The following NUP98 variants were observed in gnomAD, a reference collection of about 807,000 sequenced individuals.
NUP98 encodes the protein nucleoporin 98 and 96 precursor, also known as nuclear pore complex protein Nup98-Nup96.
NUP98 carries 26 observed loss-of-function variants against 191.9 expected under a neutral mutation model. That is an observed-to-expected ratio of 0.14 (90% confidence interval 0.10 to 0.19). NUP98 has a LOEUF of 0.19. NUP98 is among the 10% of genes least tolerant of loss of function. The probability of loss-of-function intolerance (pLI) is 1.00; values close to 1 mark genes in which losing one functional copy is unlikely to be tolerated. For synonymous variants in NUP98, 808 were observed against 778.4 expected, an observed-to-expected ratio of 1.04 and a Z score of -0.63; for missense variants, 1,941 against 2,178.8, an observed-to-expected ratio of 0.89 and a Z score of 2.17.
rs1286335101 is a variant in NUP98 at position 3,676,023 on chromosome 11, C to T, written c.*136G>A. ...AAAAGCCCTGAACAAGTGGAGGATGCTGCTTCTGGCAGCAGGGAGGGAGGG... is the reference window on the plus strand; with the variant it reads ...AAAAGCCCTGAACAAGTGGAGGATGTTGCTTCTGGCAGCAGGGAGGGAGGG... On this transcript the variant is annotated 3_prime_UTR_variant, in exon 33 of 33. Coordinates refer to ENST00000324932, the MANE Select transcript of NUP98 (RefSeq NM_016320.5). 9.3e-6 allele frequency: 7 copies of T among 750,230 alleles called. No homozygotes were observed. The highest frequency in any genetic ancestry group is 1.5e-5 in the Non-Finnish European group (7 of 453,636). The allele number at this position is 750,230 out of a possible 1,614,324, so 46.5% of individuals were successfully genotyped here.
chr11:3,679,008 A>G (rs1428425188), intron 31 of NUP98, among the ~76,000 whole-genome samples: 3 of 151,642 alleles, frequency 2.0e-5, no homozygotes, highest in Non-Finnish European at 2.9e-5. Flanking sequence ...CTATACTCCC[A>G]GCTACTTGGG....
chr11:3,725,435 T>G (rs1247164775), intron 14 of NUP98, among the ~76,000 whole-genome samples: 3 of 152,228 alleles, frequency 2.0e-5, no homozygotes, highest in Admixed American at 6.5e-5. Context: ...TTTGGAAGAA[T>G]AAAGCTGAAC....
At chr11:3,774,705 T>C (rs2081650605) in intron 5 of NUP98, among the ~76,000 whole-genome samples, 1 of 149,950 alleles carries the variant, frequency 6.7e-6, no homozygotes, top group South Asian at 2.1e-4. Flanking sequence ...TGACTCTGTC[T>C]CCAAAAAAAA....
intron 29 of NUP98, among the ~76,000 whole-genome samples, chr11:3,684,880 T>C (rs1368737069): frequency 4.6e-5 from 7 of 150,636 alleles, no homozygotes; most frequent in Admixed American, 1.3e-4. Context: ...GAGTACGTGG[T>C]AGATCTAGAA....
intron 8 of NUP98, among the ~76,000 whole-genome samples, chr11:3,767,841 C>A (rs1396081896): frequency 6.6e-6 from 1 of 151,376 alleles, no homozygotes; most frequent in Admixed American, 6.6e-5. Context: ...AAAAAAACTT[C>A]TTTGTATGAT....
chr11:3,699,005 C>A (rs2078597422), intron 25 of NUP98, 77 bp downstream of exon 25: 8 of 1,532,378 alleles, frequency 5.2e-6, no homozygotes, highest in Non-Finnish European at 7.1e-6. Flanking sequence ...GGGAAATGCA[C>A]AATTAGCGGG....
In NUP98 at chr11:3,720,637, T is replaced by C. The variant is rs2079355054; in HGVS notation, c.2260+75A>G. The C allele has an allele frequency of 9.5e-6, 7 of 738,856 alleles. No individual in the cohort carries two copies. The South Asian group carries it at 1.1e-4, about 11-fold the overall frequency. The allele number at this position is 738,856 out of a possible 1,614,324, so 45.8% of individuals were successfully genotyped here. On this transcript the variant is annotated intron_variant, in intron 17 of 32. Transcript: ENST00000324932. ...ATGTAGGAAAATGAAGATTCAGCTATCAAAAGCTTCCCCTAATTACAAAAA... is the reference window on the plus strand; with the variant it reads ...ATGTAGGAAAATGAAGATTCAGCTACCAAAAGCTTCCCCTAATTACAAAAA...
intron 5 of NUP98, 147 bp from the exon 6 acceptor site, chr11:3,773,886 C>T (rs757770790): frequency 2.1e-5 from 11 of 527,478 alleles, no homozygotes; most frequent in Non-Finnish European, 3.4e-5. Flanking sequence ...ATTAAATATA[C>T]TGCCATTTCT....
chr11:3,700,289 A>G (rs1024168257), intron 24 of NUP98, among the ~76,000 whole-genome samples: 2 of 150,906 alleles, frequency 1.3e-5, no homozygotes, highest in African/African-American at 4.9e-5. Flanking sequence ...AAAAAAAAAA[A>G]GTAAAGCAAG....
intron 6 of NUP98, among the ~76,000 whole-genome samples, chr11:3,773,390 A>G (rs867487442): frequency 4.1e-5 from 6 of 147,568 alleles, no homozygotes; most frequent in Admixed American, 2.0e-4. Context: ...GCCCATCTCA[A>G]AAAAAAAAAA....
intron 11 of NUP98, among the ~76,000 whole-genome samples, chr11:3,750,321 A>G (rs1332767657): frequency 6.6e-6 from 1 of 151,788 alleles, no homozygotes; most frequent in Non-Finnish European, 1.5e-5. Flanking sequence ...GGGTCTCCCT[A>G]CATTGCCCAA....
chr11:3,769,594 A>T (rs2081452556), intron 7 of NUP98, among the ~76,000 whole-genome samples: 1 of 151,522 alleles, frequency 6.6e-6, no homozygotes, highest in Non-Finnish European at 1.5e-5. Flanking sequence ...AAAAAAAAAA[A>T]AAAGCATACT....
At chr11:3,780,357 T>G (rs1466186786) in intron 2 of NUP98, among the ~76,000 whole-genome samples, 8 of 145,278 alleles carry the variant, frequency 5.5e-5, no homozygotes, top group Non-Finnish European at 1.1e-4. Flanking sequence ...GGTGAAACCC[T>G]GTCTCCACTT....
chr11:3,773,888 G>T, intron 5 of NUP98, 149 bp from the exon 6 acceptor site: 1 of 524,042 alleles, frequency 1.9e-6, no homozygotes, highest in Non-Finnish European at 3.4e-6. Context: ...TAAATATACT[G>T]CCATTTCTGA....
chr11:3,760,267 A>C, intron 10 of NUP98: 1 of 481,066 alleles, frequency 2.1e-6, no homozygotes, highest in Non-Finnish European at 3.7e-6. Flanking sequence ...ATGGTTTCTC[A>C]GCTATTGCTG....
At chr11:3,714,529 G>A (rs1431641357) in intron 18 of NUP98, among the ~76,000 whole-genome samples, 2 of 152,128 alleles carry the variant, frequency 1.3e-5, no homozygotes, top group Non-Finnish European at 2.9e-5. Context: ...TAAACACAGT[G>A]ACTACTAGGA....
At chr11:3,721,027 T>A (rs554834389) in intron 16 of NUP98, 2 of 391,522 alleles carry the variant, frequency 5.1e-6, no homozygotes, top group East Asian at 4.3e-5. Context: ...CATGGTCAAA[T>A]AGGTTTGAAG....
chr11:3,797,553 G>C lies in NUP98; in HGVS notation c.-182C>G. 1 of 485,724 alleles carries C rather than the reference G, an allele frequency of 2.1e-6. No individual in the cohort carries two copies. Among genetic ancestry groups the C allele is most frequent in the African/African-American group, 2.0e-5 (1 of 49,120 alleles). The allele number at this position is 485,724 out of a possible 1,614,324, so 30.1% of individuals were successfully genotyped here. ...GGCGCAGCGCGCAGAGGGCCCGACT[G>C]CGTCACACGCCGCCCGGCGTCAGAG... On this transcript the variant is annotated 5_prime_UTR_variant, in exon 1 of 33. Coordinates refer to ENST00000324932, the MANE Select transcript of NUP98 (RefSeq NM_016320.5).
intron 7 of NUP98, among the ~76,000 whole-genome samples, chr11:3,771,356 T>C (rs1478224674): frequency 2.6e-5 from 4 of 152,232 alleles, no homozygotes; most frequent in Non-Finnish European, 4.4e-5. Context: ...AGTCTTGATA[T>C]TGGCCTACAA....
Sources: gnomAD v4.1 joint callset for allele counts (sites outside exome capture counted in the v4.1 genomes callset) on GRCh38, gnomAD v4.1.1 for gene constraint, MANE v1.5 for transcripts, NCBI Gene and HGNC (gene_info 2026-07-23, HGNC 2026-07-21) for gene names.